The following PHGDH variants were observed in gnomAD, a reference collection of about 807,000 sequenced individuals.
PHGDH encodes D-3-phosphoglycerate dehydrogenase.
Under a neutral mutation model 52.6 loss-of-function variants are expected in PHGDH, and 50 were observed. The ratio of observed to expected loss-of-function variants is 0.95; its 90% CI spans 0.76 to 1.20. PHGDH has a LOEUF of 1.20. PHGDH is among the 50% of genes most tolerant of loss of function. The probability of loss-of-function intolerance (pLI) is 0.00; values close to 1 mark genes in which losing one functional copy is unlikely to be tolerated. For synonymous variants in PHGDH, 271 were observed against 280.5 expected (o/e 0.97, Z 0.34); for missense variants, 630 against 684.6 (o/e 0.92, Z 0.89).
chr1:119,732,071 C>T lies in PHGDH; in HGVS notation c.511-2563C>T, dbSNP rs587601079. ...GGGTCTCTGTTTAAGATTTCATTGC[C>T]GTGGTAGGGAGAGTTCCAATGCTAA... On this transcript the variant is annotated intron_variant, in intron 5 of 11. Coordinates refer to ENST00000641023, the MANE Select transcript of PHGDH (RefSeq NM_006623.4). 5.3e-4 allele frequency among the ~76,000 whole-genome samples: 81 copies of T among 152,302 alleles called. 1 individual carries two copies. Among genetic ancestry groups the T allele is most frequent in the African/African-American group, 1.5e-3 (61 of 41,554 alleles).
In PHGDH at chr1:119,726,868, C is replaced by T. The variant is rs764618040; in HGVS notation, c.374C>T (p.Thr125Met). The change falls in exon 4 of 12, where the codon ACG (threonine) becomes ATG (methionine). Residue 125 changes from threonine to methionine, a missense_variant. Thr to Met is a moderately conservative substitution (Grantham distance 81). Coordinates refer to ENST00000641023, the MANE Select transcript of PHGDH (RefSeq NM_006623.4). ...CCTTGCAGGCAGATTCCCCAGGCGACGGCTTCGATGAAGGACGGCAAATGG... is the reference window on the plus strand; with the variant it reads ...CCTTGCAGGCAGATTCCCCAGGCGATGGCTTCGATGAAGGACGGCAAATGG... ...MCLARQIPQA[T>M]ASMKDGKWER... 40 of 1,613,970 alleles carry T rather than the reference C, an allele frequency of 2.5e-5. No homozygotes were observed. Among genetic ancestry groups the T allele is most frequent in the Middle Eastern group, 1.7e-4 (1 of 6,048 alleles).
At chr1:119,740,644 C>A in intron 9 of PHGDH, 126 bp downstream of exon 9, 2 of 761,542 alleles carry the variant, frequency 2.6e-6, no homozygotes, top group Non-Finnish European at 4.3e-6. Flanking sequence ...TTGGACCCTG[C>A]CCTGAGTATA....
intron 8 of PHGDH, chr1:119,739,761 G>T (rs1283368252): frequency 6.6e-6 from 1 of 152,576 alleles, no homozygotes; most frequent in Non-Finnish European, 1.5e-5. Context: ...CTGTTATCAG[G>T]CCCCTGGGTG....
intron 5 of PHGDH, among the ~76,000 whole-genome samples, chr1:119,730,540 G>C (rs1651644546): frequency 6.6e-6 from 1 of 152,138 alleles, no homozygotes; most frequent in African/African-American, 2.4e-5. Flanking sequence ...TTCTTTGGCT[G>C]CAAACAATAG....
At chr1:119,737,301 T>C in intron 8 of PHGDH, 35 bp downstream of exon 8, 1 of 1,586,072 alleles carries the variant, frequency 6.3e-7, no homozygotes, top group Non-Finnish European at 8.6e-7. Context: ...GGGCCAGGAG[T>C]CAGAGGGAGG....
intron 1 of PHGDH, chr1:119,720,463 G>A (rs191653827): frequency 1.3e-5 from 2 of 152,766 alleles, no homozygotes; most frequent in Non-Finnish European, 2.9e-5. Context: ...AGGGACAGGG[G>A]CTTACAAAGT....
chr1:119,721,396 A>C, intron 2 of PHGDH, 75 bp downstream of exon 2: 1 of 1,467,446 alleles, frequency 6.8e-7, no homozygotes, highest in Non-Finnish European at 9.4e-7. Flanking sequence ...AGGGAGAAAA[A>C]ACTCACTTGA....
At chr1:119,713,694 A>C (rs1042657596) in intron 1 of PHGDH, among the ~76,000 whole-genome samples, 1 of 152,118 alleles carries the variant, frequency 6.6e-6, no homozygotes, top group Admixed American at 6.5e-5. Context: ...CTTGTGTGAA[A>C]TTGTATCAGT....
chr1:119,743,778 TCATTGCACC>T (rs1553238709), intron 11 of PHGDH, 99 bp from the exon 12 acceptor site: 5 of 848,860 alleles, frequency 5.9e-6, no homozygotes, highest in Non-Finnish European at 1.0e-5. Context: ...CATCATCCGC[TCATTGCACC>T]TTTGATCACA....
chr1:119,713,764 C>G (rs758004195), intron 1 of PHGDH, among the ~76,000 whole-genome samples: 1 of 152,156 alleles, frequency 6.6e-6, no homozygotes, highest in African/African-American at 2.4e-5. Flanking sequence ...CTCTGACTCT[C>G]ACCTCCACCA....
At chr1:119,723,576 A>G (rs745469143) in intron 3 of PHGDH, 135 bp downstream of exon 3, 79 of 732,916 alleles carry the variant, frequency 1.1e-4, no homozygotes, top group Non-Finnish European at 1.6e-4. Flanking sequence ...GGCGACATGC[A>G]GACTGCAAAG....
At chr1:119,720,800 C>T in intron 1 of PHGDH, 1 of 354,716 alleles carries the variant, frequency 2.8e-6, no homozygotes, top group South Asian at 2.3e-5. Flanking sequence ...CAGAGAGGAA[C>T]AGGAGATGGC....
At chr1:119,730,413 A>G (rs923020159) in intron 5 of PHGDH, among the ~76,000 whole-genome samples, 3 of 152,222 alleles carry the variant, frequency 2.0e-5, no homozygotes, top group African/African-American at 7.2e-5. Flanking sequence ...GGACAAGGCT[A>G]TACTTGATTA....
chr1:119,722,501 T>C (rs1306605924), intron 2 of PHGDH, among the ~76,000 whole-genome samples: 1 of 152,206 alleles, frequency 6.6e-6, no homozygotes, highest in Non-Finnish European at 1.5e-5. Context: ...TGGATTGCCC[T>C]GTGACTTAGG....
chr1:119,740,037 A>G (rs1012931008), intron 8 of PHGDH: 3 of 263,728 alleles, frequency 1.1e-5, no homozygotes, highest in African/African-American at 4.3e-5. Context: ...TGCGACTCCC[A>G]TATGTTTTGT....
At chr1:119,725,870 A>G (rs1651386108) in intron 3 of PHGDH, among the ~76,000 whole-genome samples, 1 of 152,212 alleles carries the variant, frequency 6.6e-6, no homozygotes, top group African/African-American at 2.4e-5. Flanking sequence ...AAGTGCCTCC[A>G]GTTGGGTGAT....
chr1:119,723,265 T>C, intron 2 of PHGDH, 111 bp from the exon 3 acceptor site: 1 of 880,162 alleles, frequency 1.1e-6, no homozygotes, highest in South Asian at 1.3e-5. Context: ...CGTGGTCAGT[T>C]CATGGAGCAG....
chr1:119,726,181 T>A (rs1455658372), intron 3 of PHGDH, among the ~76,000 whole-genome samples: 51 of 28,004 alleles, frequency 1.8e-3, no homozygotes, highest in African/African-American at 7.4e-3. Flanking sequence ...CTGTGAAGAG[T>A]GTGTGTGTGT....
chr1:119,716,437 A>T (rs1356448505), intron 1 of PHGDH, among the ~76,000 whole-genome samples: 1 of 152,156 alleles, frequency 6.6e-6, no homozygotes, highest in African/African-American at 2.4e-5. Context: ...GAATGGGTGG[A>T]CTTTGGGGAG....
Sources: allele counts gnomAD v4.1 joint callset (sites outside exome capture counted in the v4.1 genomes callset), GRCh38; gene constraint gnomAD v4.1.1; transcripts MANE v1.5; gene names NCBI Gene and HGNC (gene_info 2026-07-23, HGNC 2026-07-21).